The following ATP10B variants were observed in gnomAD, a reference collection of about 807,000 sequenced individuals.
The protein encoded by ATP10B is ATPase phospholipid transporting 10B (putative), also known as phospholipid-transporting ATPase VB.
A neutral mutation model predicts 141.2 loss-of-function variants in ATP10B; 122 were observed. That is an observed-to-expected ratio of 0.86 (90% CI 0.75 to 1.00). ATP10B has a LOEUF of 1.00. ATP10B is among the 50% of genes least tolerant of loss of function. The pLI is 0.00. For missense variants in ATP10B, 1,876 were observed against 1,825.3 expected (o/e 1.03, Z -0.51); for synonymous variants, 685 against 692.0 (o/e 0.99, Z 0.16).
At chr5:160,828,126 T>A (rs1042142225) in intron 1 of ATP10B, among the ~76,000 whole-genome samples, 1 of 152,060 alleles carries the variant, frequency 6.6e-6, no homozygotes, top group Non-Finnish European at 1.5e-5. Flanking sequence ...AACCTAGGCA[T>A]TACCATTCAG....
chr5:160,652,907 AT>A (rs1760926527), intron 7 of ATP10B, among the ~76,000 whole-genome samples: 1 of 72,760 alleles, frequency 1.4e-5, no homozygotes, highest in Non-Finnish European at 2.3e-5. Flanking sequence ...TATATTATAT[AT>A]ACATGTATAT....
chr5:160,716,858 T>C (rs189651452), intron 3 of ATP10B, 51 bp downstream of exon 3: 67 of 970,654 alleles, frequency 6.9e-5, no homozygotes, highest in Admixed American at 2.5e-4. Flanking sequence ...ACCTCAGTCA[T>C]GTTCCACATA....
At chr5:160,582,787 C>G (rs1464368514) in intron 24 of ATP10B, among the ~76,000 whole-genome samples, 1 of 152,058 alleles carries the variant, frequency 6.6e-6, no homozygotes, top group Non-Finnish European at 1.5e-5. Context: ...CCTTTCCATT[C>G]TTTTTTCTCT....
intron 22 of ATP10B, among the ~76,000 whole-genome samples, chr5:160,597,192 CAG>C (rs1431191221): frequency 6.6e-6 from 1 of 152,186 alleles, no homozygotes; most frequent in Non-Finnish European, 1.5e-5. Flanking sequence ...GGTACCAAAA[CAG>C]AGATATAGAT....
chr5:160,825,369 A>G (rs1244054021), intron 1 of ATP10B, among the ~76,000 whole-genome samples: 3 of 152,172 alleles, frequency 2.0e-5, no homozygotes, highest in Non-Finnish European at 4.4e-5. Context: ...TCTCATGGTA[A>G]TGAGTAAGTC....
chr5:160,640,791 C>G (rs1581247270), intron 9 of ATP10B, among the ~76,000 whole-genome samples, 199 bp from the exon 10 acceptor site: 1 of 152,270 alleles, frequency 6.6e-6, no homozygotes, highest in East Asian at 1.9e-4. Context: ...AGTGAGCATC[C>G]CCTTCATGCA....
intron 2 of ATP10B, among the ~76,000 whole-genome samples, chr5:160,735,633 T>C (rs1767061274): frequency 6.6e-6 from 1 of 152,152 alleles, no homozygotes; most frequent in Non-Finnish European, 1.5e-5. Context: ...ATTTGCATTA[T>C]AGACCAAATG....
At chr5:160,649,313 G>T (rs1760535553) in intron 7 of ATP10B, 57 bp from the exon 8 acceptor site, 3 of 1,235,758 alleles carry the variant, frequency 2.4e-6, no homozygotes, top group African/African-American at 1.5e-5. Context: ...GTTTTAATAG[G>T]ATCACTGGGA....
intron 1 of ATP10B, among the ~76,000 whole-genome samples, chr5:160,796,099 T>G (rs1206071084): frequency 6.6e-6 from 1 of 152,186 alleles, no homozygotes; most frequent in Non-Finnish European, 1.5e-5. Flanking sequence ...TAACAATTGA[T>G]GTATATTTAG....
intron 3 of ATP10B, among the ~76,000 whole-genome samples, chr5:160,715,527 T>C (rs1343309094): frequency 8.9e-4 from 130 of 146,294 alleles, no homozygotes; most frequent in Non-Finnish European, 1.7e-3. Context: ...CACTCCCTAG[T>C]GAGATGAACC....
At chr5:160,609,091 C>T (rs2127634761) in intron 18 of ATP10B, among the ~76,000 whole-genome samples, 1 of 152,284 alleles carries the variant, frequency 6.6e-6, no homozygotes, top group African/African-American at 2.4e-5. Flanking sequence ...TTTAATCCAT[C>T]TTGAATTAAT....
the ATP10B span, among the ~76,000 whole-genome samples, chr5:160,905,018 A>T: frequency 6.6e-6 from 1 of 152,256 alleles, no homozygotes; most frequent in South Asian, 2.1e-4. Flanking sequence ...TGTAAAGTTT[A>T]AACAAACTGG....
At chr5:160,615,700 G>C in intron 17 of ATP10B, 138 bp downstream of exon 17, 3 of 1,095,932 alleles carry the variant, frequency 2.7e-6, no homozygotes, top group Non-Finnish European at 3.9e-6. Context: ...TGGCCCATTT[G>C]TGCCAAATAC....
At position 160,620,504 on chromosome 5, in the gene ATP10B, G is replaced by A. The variant is rs1249176700; in HGVS notation, c.2259C>T (p.Gly753=). The A allele has an allele frequency of 6.2e-7, 1 of 1,614,204 alleles. No homozygotes were observed. Among genetic ancestry groups the A allele is most frequent in the Non-Finnish European group, 8.5e-7 (1 of 1,180,030 alleles). The change falls in exon 15 of 26, where the codon GGC becomes GGT. Residue 753 remains glycine (G), a synonymous_variant. Transcript: ENST00000327245. Reference sequence around the variant, plus strand: ...AGAGGAGGCTGAAGGTGAGGCAGGTGCCCTGGGGCAGGCGCACAGTCACCT... The same window carrying A: ...AGAGGAGGCTGAAGGTGAGGCAGGTACCCTGGGGCAGGCGCACAGTCACCT... ...PEQVTVRLPQ[G]TCLTFSLLCT...
chr5:160,880,479 C>T, the ATP10B span, among the ~76,000 whole-genome samples: 3 of 151,884 alleles, frequency 2.0e-5, no homozygotes, highest in Non-Finnish European at 2.9e-5. Flanking sequence ...GCAGAATAGA[C>T]AACAGAATAT....
chr5:160,812,130 C>A (rs1269491723), intron 1 of ATP10B, among the ~76,000 whole-genome samples: 1 of 151,470 alleles, frequency 6.6e-6, no homozygotes, highest in Non-Finnish European at 1.5e-5. Context: ...GCCTTGTAAT[C>A]CAGAAAATTC....
At chr5:160,739,105 T>A (rs957056350) in intron 2 of ATP10B, among the ~76,000 whole-genome samples, 1 of 152,184 alleles carries the variant, frequency 6.6e-6, no homozygotes, top group Non-Finnish European at 1.5e-5. Flanking sequence ...ATCATTTCAG[T>A]GGACGCAGAA....
Position 160,620,587 on chromosome 5 carries a change from C to A in ATP10B, c.2176G>T (p.Ala726Ser). ...TAGGCATGGGCAGCGTGCACCAGGG[C>A]GGCCTCATCAGGGCTCTCAGCCTCG... The part of the protein sequence containing the change: ...CYEAESPDEA[A>S]LVHAAHAYSF... The change falls in exon 15 of 26, where the codon GCC becomes TCC. Residue 726 changes from alanine to serine, a missense_variant. Coordinates refer to ENST00000327245, the MANE Select transcript of ATP10B (RefSeq NM_025153.3). 1 of 1,613,728 alleles carries A rather than the reference C, an allele frequency of 6.2e-7. No individual in the cohort carries two copies. The highest frequency in any genetic ancestry group is 1.1e-5 in the South Asian group (1 of 91,052).
intron 10 of ATP10B, among the ~76,000 whole-genome samples, chr5:160,639,718 G>A (rs1759686572): frequency 6.6e-6 from 1 of 152,204 alleles, no homozygotes; most frequent in Non-Finnish European, 1.5e-5. Context: ...ACAGTCAGTG[G>A]GGAGGGGGAG....
Sources: gnomAD v4.1 joint callset for allele counts (sites outside exome capture counted in the v4.1 genomes callset) on GRCh38, gnomAD v4.1.1 for gene constraint, MANE v1.5 for transcripts, NCBI Gene and HGNC (gene_info 2026-07-23, HGNC 2026-07-21) for gene names.